Variants in SRGAP1 observed in about 807,000 individuals in gnomAD.
The protein encoded by SRGAP1 is SLIT-ROBO Rho GTPase activating protein 1.
Under a neutral mutation model 121.9 loss-of-function variants are expected in SRGAP1, and 43 were observed. The observed-to-expected ratio is 0.35, with a 90% CI of 0.28 to 0.46. The LOEUF is 0.46. Ranked by LOEUF, SRGAP1 falls within the 20% of genes least tolerant of loss-of-function variation. SRGAP1 has a pLI of 1.00. For synonymous variants in SRGAP1, 447 were observed against 485.4 expected (o/e 0.92, Z 1.04); for missense variants, 1,102 against 1,350.9 (o/e 0.82, Z 2.89).
rs553077268 is a variant in SRGAP1 at position 64,129,299 on chromosome 12, T to C, written c.2880+1099T>C. Among the ~76,000 whole-genome samples, 4 of 152,216 alleles carry C rather than the reference T, an allele frequency of 2.6e-5. No individual in the cohort carries two copies. In the South Asian group the frequency reaches 6.2e-4, roughly 24 times the overall value. On this transcript the variant is annotated intron_variant, in intron 21 of 21. Transcript: ENST00000355086. ...CAAAACTGAAGAACTTGGAGTCTGA[T>C]GTTCAAGGGCAGGAAGCATACAGCA...
intron 15 of SRGAP1, among the ~76,000 whole-genome samples, chr12:64,108,580 G>A (rs1038038929): frequency 6.6e-6 from 1 of 152,180 alleles, no homozygotes; most frequent in Non-Finnish European, 1.5e-5. Flanking sequence ...GAGGTGCCAT[G>A]CCCCAGAAAG....
intron 7 of SRGAP1, among the ~76,000 whole-genome samples, chr12:64,064,820 C>T (rs1215264833): frequency 2.6e-5 from 4 of 152,190 alleles, no homozygotes; most frequent in African/African-American, 4.8e-5. Context: ...AAGAATTCCA[C>T]GAGTGAGATT....
intron 3 of SRGAP1, among the ~76,000 whole-genome samples, chr12:64,006,138 T>C (rs1340889007): frequency 6.6e-6 from 1 of 151,636 alleles, no homozygotes; most frequent in Non-Finnish European, 1.5e-5. Context: ...ACAGAGAGAG[T>C]GACATTTAAT....
chr12:63,854,805 G>T (rs1899185322), intron 1 of SRGAP1, among the ~76,000 whole-genome samples: 1 of 152,078 alleles, frequency 6.6e-6, no homozygotes, highest in South Asian at 2.1e-4. Flanking sequence ...TTGCTATCAT[G>T]AATAGTAATA....
At chr12:63,872,039 G>A in intron 1 of SRGAP1, 1 of 783,240 alleles carries the variant, frequency 1.3e-6, no homozygotes, top group South Asian at 1.5e-5. Flanking sequence ...TAGGTACGTT[G>A]ACCATCTTTG....
At chr12:63,848,153 G>T (rs1350254105) in intron 1 of SRGAP1, among the ~76,000 whole-genome samples, 1 of 151,614 alleles carries the variant, frequency 6.6e-6, no homozygotes, top group Non-Finnish European at 1.5e-5. Context: ...TTATATACAC[G>T]CACCACCACG....
intron 8 of SRGAP1, among the ~76,000 whole-genome samples, chr12:64,065,816 C>T (rs966933121): frequency 2.6e-5 from 4 of 152,108 alleles, no homozygotes; most frequent in African/African-American, 9.7e-5. Flanking sequence ...CATGGCATTA[C>T]TGATATAATT....
intron 1 of SRGAP1, among the ~76,000 whole-genome samples, chr12:63,900,703 A>C (rs2029886829): frequency 6.6e-6 from 1 of 152,034 alleles, no homozygotes. Flanking sequence ...AGTCCCAGCT[A>C]CTTGGGAGTC....
chr12:64,049,941 ATT>A (rs1345508644), intron 6 of SRGAP1, among the ~76,000 whole-genome samples: 1 of 152,152 alleles, frequency 6.6e-6, no homozygotes, highest in Admixed American at 6.6e-5. Context: ...TATTATTGGT[ATT>A]TCATAGAGAT....
intron 1 of SRGAP1, among the ~76,000 whole-genome samples, chr12:63,888,957 G>C (rs995238994): frequency 6.6e-6 from 1 of 152,232 alleles, no homozygotes; most frequent in Non-Finnish European, 1.5e-5. Flanking sequence ...CATGAGTGGA[G>C]AGGGTCGATG....
chr12:64,105,653 G>A (rs1181099305), intron 15 of SRGAP1, among the ~76,000 whole-genome samples: 1 of 152,022 alleles, frequency 6.6e-6, no homozygotes, highest in Non-Finnish European at 1.5e-5. Flanking sequence ...GCATGGTGGT[G>A]GGTGCTCCTA....
intron 1 of SRGAP1, among the ~76,000 whole-genome samples, chr12:63,959,161 C>T (rs1215746368): frequency 6.6e-6 from 1 of 152,106 alleles, no homozygotes; most frequent in African/African-American, 2.4e-5. Context: ...AACCAGATAC[C>T]ATCTACCCTA....
At chr12:64,015,756 T>G (rs894214087) in intron 3 of SRGAP1, among the ~76,000 whole-genome samples, 1 of 152,160 alleles carries the variant, frequency 6.6e-6, no homozygotes, top group Non-Finnish European at 1.5e-5. Flanking sequence ...GCAGAACTGA[T>G]TAAGATATGG....
At chr12:63,993,105 CT>C (rs1175136581) in intron 3 of SRGAP1, among the ~76,000 whole-genome samples, 1 of 152,120 alleles carries the variant, frequency 6.6e-6, no homozygotes, top group African/African-American at 2.4e-5. Flanking sequence ...AGATCAACCC[CT>C]AGGACACATT....
At position 64,148,926 on chromosome 12, in the gene SRGAP1, T is replaced by A. The variant is rs1023020312; in HGVS notation, c.*6254T>A. 10 of 152,228 alleles carry A rather than the reference T, an allele frequency of 6.6e-5. No homozygotes were observed. The highest frequency in any genetic ancestry group is 3.9e-4 in the Admixed American group (6 of 15,276). The allele number at this position is 152,228 out of a possible 1,614,324, so 9.4% of individuals were successfully genotyped here. A position where few individuals can be genotyped will look rare whatever the true frequency, so the allele number is the denominator to read the frequency against. On this transcript the variant is annotated 3_prime_UTR_variant, in exon 22 of 22. Transcript: ENST00000355086. ...AATCACACCATGGTGTAGTTTTGCC[T>A]GTCATCTTAGCTTTCTATAAATGGG...
intron 19 of SRGAP1, among the ~76,000 whole-genome samples, chr12:64,126,679 G>C (rs560628246): frequency 6.6e-6 from 1 of 152,122 alleles, no homozygotes; most frequent in African/African-American, 2.4e-5. Context: ...TAGTCCAAAA[G>C]TAGCTTTTTA....
rs749407084 is a variant in SRGAP1, at chr12:64,152,013, T to A, written c.*9341T>A. On this transcript the variant is annotated 3_prime_UTR_variant, in exon 22 of 22. Coordinates refer to ENST00000355086, the MANE Select transcript of SRGAP1 (RefSeq NM_020762.4). ...TCCACGGTGGTGTGGCTGTGCCCAC[T>A]GTCTCCTCCTTGAAATGATTATCTA... 2.6e-5 allele frequency: 4 copies of A among 152,158 alleles called. No individual in the cohort carries two copies. Among genetic ancestry groups the A allele is most frequent in the Non-Finnish European group, 5.9e-5 (4 of 68,014 alleles). 9.4% of individuals were successfully genotyped at this position (152,158 alleles called of 1,614,324 possible). A position where few individuals can be genotyped will look rare whatever the true frequency, so the allele number is the denominator to read the frequency against.
intron 21 of SRGAP1, among the ~76,000 whole-genome samples, chr12:64,130,158 G>A (rs185959921): frequency 1.6e-4 from 24 of 152,292 alleles, no homozygotes; most frequent in Admixed American, 7.2e-4. Context: ...TGTATTCCAT[G>A]CACACTCTTT....
chr12:64,009,548 G>A (rs1214976642), intron 3 of SRGAP1, among the ~76,000 whole-genome samples: 2 of 152,124 alleles, frequency 1.3e-5, no homozygotes, highest in Non-Finnish European at 2.9e-5. Flanking sequence ...TCTGCTGGAA[G>A]GCTGAACACA....
Sources: gnomAD v4.1 joint callset for allele counts (sites outside exome capture counted in the v4.1 genomes callset) on GRCh38, gnomAD v4.1.1 for gene constraint, MANE v1.5 for transcripts, NCBI Gene and HGNC (gene_info 2026-07-23, HGNC 2026-07-21) for gene names.